Variants in TIAM1 observed in about 807,000 individuals in gnomAD.
TIAM1 encodes TIAM Rac1 associated GEF 1.
Under a neutral mutation model 163.5 loss-of-function variants are expected in TIAM1, and 65 were observed. The observed-to-expected ratio is 0.40, with a 90% CI of 0.33 to 0.49. TIAM1 has a LOEUF of 0.49. TIAM1 is among the 20% of genes least tolerant of loss of function. The pLI is 0.77. For missense variants in TIAM1, 1,789 were observed against 2,044.7 expected (o/e 0.87, Z 2.41); for synonymous variants, 833 against 810.1 (o/e 1.03, Z -0.48).
intron 10 of TIAM1, among the ~76,000 whole-genome samples, chr21:31,211,800 A>G (rs537714288): frequency 6.6e-6 from 1 of 152,308 alleles, no homozygotes; most frequent in East Asian, 1.9e-4. Flanking sequence ...CACTGGATCA[A>G]CCCAAGTTTT....
intron 23 of TIAM1, among the ~76,000 whole-genome samples, chr21:31,134,084 A>T (rs912340158): frequency 6.6e-6 from 1 of 152,092 alleles, no homozygotes; most frequent in Non-Finnish European, 1.5e-5. Flanking sequence ...AAACCAAAAA[A>T]ACAAAACAAA....
chr21:31,358,902 T>C (rs1304685029), intron 2 of TIAM1, among the ~76,000 whole-genome samples: 1 of 152,090 alleles, frequency 6.6e-6, no homozygotes, highest in Non-Finnish European at 1.5e-5. Flanking sequence ...ACAAAGCATA[T>C]CACCCCTCTG....
intron 2 of TIAM1, among the ~76,000 whole-genome samples, chr21:31,376,977 G>A (rs34418322): frequency 1.3e-5 from 2 of 150,318 alleles, no homozygotes; most frequent in African/African-American, 4.9e-5. Flanking sequence ...TCCTGCCTTA[G>A]CCTCACGAGC....
chr21:31,254,464 C>T (rs563135129), intron 4 of TIAM1, among the ~76,000 whole-genome samples: 6 of 152,146 alleles, frequency 3.9e-5, no homozygotes, highest in East Asian at 3.9e-4. Flanking sequence ...GAGGCTGAAG[C>T]GGGTGGATCA....
chr21:31,369,610 A>G (rs1254982486), intron 2 of TIAM1, among the ~76,000 whole-genome samples: 3 of 152,242 alleles, frequency 2.0e-5, no homozygotes, highest in African/African-American at 7.2e-5. Context: ...AATGATGGAT[A>G]TGGTAATTAC....
At chr21:31,402,128 G>A (rs527387982) in intron 2 of TIAM1, among the ~76,000 whole-genome samples, 7 of 152,008 alleles carry the variant, frequency 4.6e-5, no homozygotes, top group South Asian at 2.1e-4. Flanking sequence ...CAGGAGAATC[G>A]CTTGAACCCA....
intron 2 of TIAM1, among the ~76,000 whole-genome samples, chr21:31,386,104 G>A (rs1043158052): frequency 1.3e-5 from 2 of 152,146 alleles, no homozygotes; most frequent in African/African-American, 4.8e-5. Flanking sequence ...GGTATGCTAT[G>A]TGGAGGGGCT....
At position 31,552,304 on chromosome 21, in the gene TIAM1, G is replaced by A. The variant is rs563276961; in HGVS notation, c.-422+6623C>T. 9.2e-5 allele frequency among the ~76,000 whole-genome samples: 14 copies of A among 152,024 alleles called. No homozygotes were observed. The East Asian group carries it at 1.5e-3, about 17-fold the overall frequency. ...AATCGAACTTTGCATTACTTGAGTC[G>A]AAGTATCTGCATGAAATAAAAATAT... On this transcript the variant is annotated intron_variant, in intron 1 of 28. Coordinates refer to the TIAM1 transcript ENST00000286827.
chr21:31,242,860 C>CAAAAA (rs11417948), intron 6 of TIAM1, among the ~76,000 whole-genome samples: 5 of 95,062 alleles, frequency 5.3e-5, no homozygotes, highest in East Asian at 2.8e-4. Context: ...GACTCTGTCT[C>CAAAAA]AAAAAAAAAA....
In TIAM1 at chr21:31,276,721, T is replaced by G. The variant is rs993825948; in HGVS notation, c.-12+11A>C. The G allele has an allele frequency of 4.6e-5, 7 of 152,212 alleles. No homozygotes were observed. The highest frequency in any genetic ancestry group is 1.0e-4 in the Non-Finnish European group (7 of 68,040). 9.4% of individuals were successfully genotyped at this position (152,212 alleles called of 1,614,324 possible). ...AAACATATAGGCTCAAATATACATA[T>G]GCAAACCTACCTTAAAAGGCAACAG... is the stretch of plus-strand genomic sequence containing the variant. On this transcript the variant is annotated intron_variant, in intron 3 of 27. Coordinates refer to ENST00000541036, the MANE Select transcript of TIAM1 (RefSeq NM_001353694.2).
intron 2 of TIAM1, among the ~76,000 whole-genome samples, chr21:31,380,975 T>C (rs951897059): frequency 3.9e-5 from 6 of 152,242 alleles, no homozygotes; most frequent in African/African-American, 1.2e-4. Flanking sequence ...ATAATAGTGC[T>C]TCTTTCACCG....
At chr21:31,241,317 T>C (rs1202006489) in intron 6 of TIAM1, among the ~76,000 whole-genome samples, 3 of 152,156 alleles carry the variant, frequency 2.0e-5, no homozygotes, top group Non-Finnish European at 4.4e-5. Context: ...TGACTGACCC[T>C]ACAGCTCGGT....
At chr21:31,239,128 T>TC in intron 6 of TIAM1, among the ~76,000 whole-genome samples, 1 of 146,356 alleles carries the variant, frequency 6.8e-6, no homozygotes, top group African/African-American at 2.5e-5. Context: ...GAAAAACAAT[T>TC]TTTTTTTTTT....
chr21:31,258,550 G>C (rs1030632495), intron 4 of TIAM1, among the ~76,000 whole-genome samples: 2 of 152,170 alleles, frequency 1.3e-5, no homozygotes, highest in Non-Finnish European at 2.9e-5. Flanking sequence ...AGATATATTA[G>C]GCTGGACGCA....
rs898961651 is a variant in TIAM1, at chr21:31,200,338, G to GA, written c.2493+2569dup. 6.5e-3 allele frequency among the ~76,000 whole-genome samples: 888 copies of GA among 137,594 alleles called. 3 individuals are homozygous for GA. The highest frequency in any genetic ancestry group is 0.02 in the African/African-American group (735 of 37,560). 90.3% of individuals were successfully genotyped at this position (137,594 alleles called of 152,430 possible). ...GGCAACAGAACAAAACTTCATCACA[G>GA]AAAAAAAAAAAAGTGATATCTTTAT... On this transcript the variant is annotated intron_variant, in intron 12 of 27. Coordinates refer to ENST00000541036, the MANE Select transcript of TIAM1 (RefSeq NM_001353694.2).
upstream of TIAM1, among the ~76,000 whole-genome samples, chr21:31,347,645 G>T (rs532238466): frequency 9.8e-5 from 15 of 152,310 alleles, no homozygotes; most frequent in African/African-American, 3.4e-4. Flanking sequence ...GCTGACTTTT[G>T]TTGTTAATTT....
At chr21:31,450,005 G>A (rs1053470924) in intron 2 of TIAM1, among the ~76,000 whole-genome samples, 2 of 152,140 alleles carry the variant, frequency 1.3e-5, no homozygotes, top group Admixed American at 6.6e-5. Context: ...CAGCAACCAC[G>A]TAACTGGCCT....
chr21:31,373,443 T>C (rs1233007529), intron 2 of TIAM1, among the ~76,000 whole-genome samples: 1 of 152,250 alleles, frequency 6.6e-6, no homozygotes, highest in South Asian at 2.1e-4. Flanking sequence ...GGCACTTCTT[T>C]CGTGGTGGTG....
At chr21:31,246,549 T>C (rs1394315980) in intron 5 of TIAM1, among the ~76,000 whole-genome samples, 1 of 149,524 alleles carries the variant, frequency 6.7e-6, no homozygotes, top group African/African-American at 2.4e-5. Context: ...TGTCCGTCCA[T>C]TTTCACCATT....
Sources: allele counts gnomAD v4.1 joint callset (sites outside exome capture counted in the v4.1 genomes callset), GRCh38; gene constraint gnomAD v4.1.1; transcripts MANE v1.5; gene names NCBI Gene and HGNC (gene_info 2026-07-23, HGNC 2026-07-21).